Variants in WRNIP1 observed in about 807,000 individuals in gnomAD.
WRNIP1 encodes the protein ATPase WRNIP1.
A neutral mutation model predicts 56.1 loss-of-function variants in WRNIP1; 41 were observed. That is an observed-to-expected ratio of 0.73 (90% CI 0.57 to 0.95). The LOEUF (loss-of-function observed/expected upper bound fraction) is 0.95, where lower values mean the gene tolerates loss of function less well. WRNIP1 is among the 40% of genes least tolerant of loss of function. WRNIP1 has a pLI of 0.00. For synonymous variants in WRNIP1, 547 were observed against 398.1 expected, an observed-to-expected ratio of 1.37 and a Z score of -4.45; for missense variants, 1,170 against 939.4, an observed-to-expected ratio of 1.25 and a Z score of -3.21.
At position 2,768,766 on chromosome 6, in the gene WRNIP1, G is replaced by A. The variant is rs907688956; in HGVS notation, c.898G>A (p.Ala300Thr). 3 of 1,613,912 alleles carry A rather than the reference G, an allele frequency of 1.9e-6. No individual in the cohort carries two copies. The highest frequency in any genetic ancestry group is 2.2e-5 in the East Asian group (1 of 44,872). ...IRFVTLSATN[A>T]KTNDVRDVIK... Reference sequence around the variant, plus strand: ...GTTTGTGACATTATCTGCAACAAATGCCAAGACAAATGATGTGCGAGATGT... The same window carrying A: ...GTTTGTGACATTATCTGCAACAAATACCAAGACAAATGATGTGCGAGATGT... The change falls in exon 2 of 7, where the codon GCC (alanine) becomes ACC (threonine). Residue 300 changes from alanine to threonine, a missense_variant. Coordinates refer to ENST00000380773, the MANE Select transcript of WRNIP1 (RefSeq NM_020135.3).
chr6:2,781,907 T>C (rs924182209), intron 4 of WRNIP1, among the ~76,000 whole-genome samples: 1 of 152,254 alleles, frequency 6.6e-6, no homozygotes, highest in Non-Finnish European at 1.5e-5. Context: ...ATCAGGAACT[T>C]GCCCATGGCC....
intron 3 of WRNIP1, among the ~76,000 whole-genome samples, chr6:2,778,899 A>G (rs1368284105): frequency 2.6e-5 from 4 of 152,232 alleles, no homozygotes; most frequent in African/African-American, 9.6e-5. Flanking sequence ...CATACACGGT[A>G]ATGAGGTGCT....
intron 2 of WRNIP1, among the ~76,000 whole-genome samples, chr6:2,769,570 AC>A (rs1329724972): frequency 6.6e-5 from 10 of 152,066 alleles, no homozygotes; most frequent in African/African-American, 2.4e-4. Context: ...CCTTTTTTGA[AC>A]CTTTTTGAAT....
chr6:2,784,396 A>G lies in WRNIP1; in HGVS notation c.1715A>G (p.Glu572Gly), dbSNP rs1286773549. The change falls in exon 6 of 7, where the codon GAA (glutamate) becomes GGA (glycine). Residue 572 changes from glutamate (E) to glycine (G), a missense_variant. Transcript: ENST00000380773. Reference sequence around the variant, plus strand: ...GGCTGTCATTTTATAGGCATGCCTGAATGTGAGGTAAAGTAATCAGCTCAT... The same window carrying G: ...GGCTGTCATTTTATAGGCATGCCTGGATGTGAGGTAAAGTAATCAGCTCAT... ...YQGCHFIGMP[E>G]CEVLLAQCVV... 6.2e-7 allele frequency: 1 copy of G among 1,614,058 alleles called. No homozygotes were observed. The highest frequency in any genetic ancestry group is 8.5e-7 in the Non-Finnish European group (1 of 1,179,896).
chr6:2,770,710 C>G (rs535012161), intron 3 of WRNIP1, among the ~76,000 whole-genome samples: 1 of 152,038 alleles, frequency 6.6e-6, no homozygotes, highest in South Asian at 2.1e-4. Context: ...TTGAATAGAA[C>G]AAATAGATAG....
chr6:2,779,774 C>G (rs1199680453), intron 4 of WRNIP1, among the ~76,000 whole-genome samples: 1 of 152,238 alleles, frequency 6.6e-6, no homozygotes, highest in African/African-American at 2.4e-5. Context: ...GTTGGCTATT[C>G]CCCACCTTGC....
chr6:2,774,837 T>A lies in WRNIP1; in HGVS notation c.1257-4426T>A, dbSNP rs146081147. 5.1e-4 allele frequency among the ~76,000 whole-genome samples: 77 copies of A among 152,368 alleles called. No individual in the cohort carries two copies. The East Asian group carries it at 0.014, about 28-fold the overall frequency. On this transcript the variant is annotated intron_variant, in intron 3 of 6. Transcript: ENST00000380773. ...CTGATGTTATGGAAGCGGCAGCATC[T>A]GGGGCTCTGCCTTGGATATGTGCAG...
intron 2 of WRNIP1, 40 bp downstream of exon 2, chr6:2,768,922 T>A (rs758365077): frequency 6.4e-7 from 1 of 1,561,998 alleles, no homozygotes; most frequent in Non-Finnish European, 8.7e-7. Context: ...GTTGTGAACA[T>A]CAAACAATAT....
At position 2,770,122 on chromosome 6, in the gene WRNIP1, C is replaced by T. The variant is rs761851561; in HGVS notation, c.1017C>T (p.Asp339=). The part of the protein sequence containing the change: ...EIHRFNKSQQ[D]TFLPHVECGT... ...TTCTGTTTTCCTCCCATGATTAGGA[C>T]ACTTTCCTTCCTCACGTGGAATGTG... The change falls in exon 3 of 7, where the codon GAC becomes GAT. Residue 339 remains aspartate, a splice_region_variant and synonymous_variant. Transcript: ENST00000380773. 2.0e-5 allele frequency: 32 copies of T among 1,614,110 alleles called. No homozygotes were observed. The highest frequency in any genetic ancestry group is 2.5e-6 in the Non-Finnish European group (3 of 1,180,048).
chr6:2,768,485 T>C (rs1765126643), intron 1 of WRNIP1, among the ~76,000 whole-genome samples: 1 of 152,268 alleles, frequency 6.6e-6, no homozygotes, highest in South Asian at 2.1e-4. Flanking sequence ...AAGGTTTAGC[T>C]ACTTTCCTGT....
At chr6:2,777,183 A>T (rs1581139493) in intron 3 of WRNIP1, among the ~76,000 whole-genome samples, 1 of 152,188 alleles carries the variant, frequency 6.6e-6, no homozygotes, top group Non-Finnish European at 1.5e-5. Context: ...CTTTCCATAT[A>T]ATTTATAAGA....
rs556600992 is a variant in WRNIP1 at position 2,770,133 on chromosome 6, C to T, written c.1028C>T (p.Pro343Leu). Residue 343 changes from proline (P) to leucine (L), a missense_variant, in exon 3 of 7, where the codon CCT becomes CTT. Pro to Leu is a moderately conservative substitution (Grantham distance 98). Transcript: ENST00000380773. Reference sequence around the variant, plus strand: ...TCCCATGATTAGGACACTTTCCTTCCTCACGTGGAATGTGGGACGATCACT... The same window carrying T: ...TCCCATGATTAGGACACTTTCCTTCTTCACGTGGAATGTGGGACGATCACT... Reference protein sequence around the residue: ...FNKSQQDTFLPHVECGTITLI... With the variant: ...FNKSQQDTFLLHVECGTITLI... The T allele has an allele frequency of 1.2e-6, 2 of 1,614,220 alleles. No individual in the cohort carries two copies. The highest frequency in any genetic ancestry group is 2.2e-5 in the South Asian group (2 of 91,088).
rs1432611811 is a variant in WRNIP1, at chr6:2,784,368, C to G, written c.1687C>G (p.Gln563Glu). ...GTTAACACAAGCGGTTGCTGCCTAC[C>G]AAGGCTGTCATTTTATAGGCATGCC... Reference protein sequence around the residue: ...SALTQAVAAYQGCHFIGMPEC... With the variant: ...SALTQAVAAYEGCHFIGMPEC... The change falls in exon 6 of 7, where the codon CAA (glutamine) becomes GAA (glutamate). Residue 563 changes from glutamine to glutamate, a missense_variant. By Grantham distance (29) the Gln-to-Glu change is conservative. Transcript: ENST00000380773. The G allele has an allele frequency of 3.1e-6, 5 of 1,613,988 alleles. No homozygotes were observed. The highest frequency in any genetic ancestry group is 4.2e-6 in the Non-Finnish European group (5 of 1,179,988).
In WRNIP1 at chr6:2,766,431, C is replaced by G; in HGVS notation, c.809C>G (p.Pro270Arg). The G allele has an allele frequency of 6.4e-7, 1 of 1,564,268 alleles. No individual in the cohort carries two copies. Among genetic ancestry groups the G allele is most frequent in the South Asian group, 1.2e-5 (1 of 85,654 alleles). The change falls in exon 1 of 7, where the codon CCG (proline) becomes CGG (arginine). Residue 270 changes from proline to arginine, a missense_variant. By Grantham distance (103) the Pro-to-Arg change is moderately radical. Transcript: ENST00000380773. ...CCCTCGCTTATCCTGTGGGGGCCGC[C>G]GGGCTGCGGCAAGGTGAGTGCGGCC... ...EIPSLILWGP[P>R]GCGKTTLAHI...
In WRNIP1 at chr6:2,786,373, G is replaced by A. The variant is rs781523897; in HGVS notation, c.*1091G>A. 4 of 152,246 alleles carry A rather than the reference G, an allele frequency of 2.6e-5. No individual in the cohort carries two copies. The highest frequency in any genetic ancestry group is 6.5e-5 in the Admixed American group (1 of 15,286). 9.4% of individuals were successfully genotyped at this position (152,246 alleles called of 1,614,324 possible). ...ATCCTCTAGTAGTTTTATCAGGCTGGAGGGACTGTATGTTGCAGAGGCTTG... is the reference window on the plus strand; with the variant it reads ...ATCCTCTAGTAGTTTTATCAGGCTGAAGGGACTGTATGTTGCAGAGGCTTG... On this transcript the variant is annotated 3_prime_UTR_variant, in exon 7 of 7. Coordinates refer to ENST00000380773, the MANE Select transcript of WRNIP1 (RefSeq NM_020135.3).
At chr6:2,770,051 A>G (rs1045433436) in intron 2 of WRNIP1, 69 bp from the exon 3 acceptor site, 2 of 1,595,672 alleles carry the variant, frequency 1.3e-6, no homozygotes, top group Non-Finnish European at 1.7e-6. Flanking sequence ...AGGGATAGCC[A>G]ACTTACATAG....
chr6:2,778,734 C>A (rs921533431), intron 3 of WRNIP1, among the ~76,000 whole-genome samples: 3 of 152,102 alleles, frequency 2.0e-5, no homozygotes, highest in African/African-American at 7.2e-5. Context: ...TAACTAGGGA[C>A]CCAATTTGTT....
intron 4 of WRNIP1, among the ~76,000 whole-genome samples, chr6:2,782,238 G>A (rs919641028): frequency 1.7e-4 from 26 of 152,164 alleles, no homozygotes; most frequent in East Asian, 1.9e-4. Flanking sequence ...ACACCCTCTC[G>A]GCCAGTGTCC....
At chr6:2,779,234 G>T in intron 3 of WRNIP1, 29 bp from the exon 4 acceptor site, 2 of 1,608,338 alleles carry the variant, frequency 1.2e-6, no homozygotes, top group South Asian at 2.2e-5. Flanking sequence ...GCCTGAGTGT[G>T]ACCGTAACTA....
Sources: gnomAD v4.1 joint callset for allele counts (sites outside exome capture counted in the v4.1 genomes callset) on GRCh38, gnomAD v4.1.1 for gene constraint, MANE v1.5 for transcripts, NCBI Gene and HGNC (gene_info 2026-07-23, HGNC 2026-07-21) for gene names.